The following PIP5K1B variants were observed in gnomAD, a reference collection of about 807,000 sequenced individuals.
PIP5K1B encodes the protein phosphatidylinositol-4-phosphate 5-kinase type 1 beta, also known as phosphatidylinositol 4-phosphate 5-kinase type-1 beta.
PIP5K1B carries 42 observed loss-of-function variants against 67.0 expected under a neutral mutation model. That is an observed-to-expected ratio of 0.63 (90% CI 0.49 to 0.81). The LOEUF (loss-of-function observed/expected upper bound fraction) is 0.81. Among genes scored for constraint, PIP5K1B ranks in the 30% least tolerant of loss-of-function variants. The pLI is 0.00. For missense variants in PIP5K1B, 459 were observed against 646.3 expected, an observed-to-expected ratio of 0.71 and a Z score of 3.14; for synonymous variants, 214 against 231.4, an observed-to-expected ratio of 0.92 and a Z score of 0.68.
At position 68,875,977 on chromosome 9, in the gene PIP5K1B, G is replaced by A. The variant is rs146856971; in HGVS notation, c.201-700G>A. On this transcript the variant is annotated intron_variant, in intron 5 of 15. Transcript: ENST00000265382. ...AGTACAGAAGGGGCTTCAACTGTAT[G>A]GATAATGTTTTATGTCTTAAGCAGC... 4.0e-3 allele frequency among the ~76,000 whole-genome samples: 615 copies of A among 152,150 alleles called. 1 individual carries two copies. The highest frequency in any genetic ancestry group is 6.6e-3 in the Non-Finnish European group (447 of 67,988).
intron 14 of PIP5K1B, among the ~76,000 whole-genome samples, chr9:68,951,209 A>G (rs1243249322): frequency 6.6e-6 from 1 of 152,232 alleles, no homozygotes; most frequent in African/African-American, 2.4e-5. Context: ...GCCCTATTAA[A>G]AATTAGTGTG....
intron 2 of PIP5K1B, among the ~76,000 whole-genome samples, chr9:68,759,006 A>G (rs1830068600): frequency 6.6e-6 from 1 of 152,162 alleles, no homozygotes; most frequent in South Asian, 2.1e-4. Flanking sequence ...AATATCCTTA[A>G]GGAACTTTCA....
At chr9:68,863,327 C>T (rs1195747783) in intron 4 of PIP5K1B, among the ~76,000 whole-genome samples, 3 of 152,194 alleles carry the variant, frequency 2.0e-5, no homozygotes, top group African/African-American at 7.2e-5. Flanking sequence ...TAAAAAAATA[C>T]ATTCTAATTG....
chr9:69,003,870 G>A (rs960491916), intron 15 of PIP5K1B, among the ~76,000 whole-genome samples: 2 of 152,158 alleles, frequency 1.3e-5, no homozygotes, highest in African/African-American at 2.4e-5. Context: ...CAGGGGATCC[G>A]ACTTCACAGT....
chr9:68,779,646 C>T (rs1179122461), intron 2 of PIP5K1B, among the ~76,000 whole-genome samples: 2 of 152,194 alleles, frequency 1.3e-5, no homozygotes, highest in Admixed American at 1.3e-4. Context: ...TCCTGGTTCC[C>T]GCCTGCCAAC....
At chr9:68,928,442 C>G (rs1826819093) in intron 12 of PIP5K1B, among the ~76,000 whole-genome samples, 1 of 152,172 alleles carries the variant, frequency 6.6e-6, no homozygotes, top group South Asian at 2.1e-4. Flanking sequence ...AAGCCTTATG[C>G]TTACAAAGGA....
chr9:68,768,402 A>G (rs897548757), intron 2 of PIP5K1B, among the ~76,000 whole-genome samples: 10 of 152,210 alleles, frequency 6.6e-5, no homozygotes, highest in African/African-American at 2.2e-4. Context: ...TTCAGAGACC[A>G]TGTAGCCAGA....
chr9:68,784,610 T>G (rs1274803162), intron 2 of PIP5K1B: 1 of 166,970 alleles, frequency 6.0e-6, no homozygotes, highest in Non-Finnish European at 1.5e-5. Flanking sequence ...ATGAGGAAAG[T>G]GAGTCTGAGA....
intron 2 of PIP5K1B, among the ~76,000 whole-genome samples, chr9:68,808,059 G>A (rs147590299): frequency 2.6e-4 from 40 of 152,266 alleles, no homozygotes; most frequent in African/African-American, 6.5e-4. Context: ...TTAGCCTGGC[G>A]TGGTGGTGTG....
intron 4 of PIP5K1B, among the ~76,000 whole-genome samples, chr9:68,853,905 C>G (rs749645883): frequency 1.1e-4 from 17 of 152,192 alleles, no homozygotes; most frequent in Non-Finnish European, 2.2e-4. Context: ...CTTTTCTCCT[C>G]CCTCTAGCAA....
At chr9:68,935,323 T>C (rs150518044) in intron 13 of PIP5K1B, among the ~76,000 whole-genome samples, 5,382 of 151,970 alleles carry the variant, frequency 0.035, 146 homozygotes, top group African/African-American at 0.079. Flanking sequence ...AAAAAATTAG[T>C]CAGGCGTGAT....
At chr9:68,789,063 G>GCTTGATA in intron 2 of PIP5K1B, 1 of 491,802 alleles carries the variant, frequency 2.0e-6, no homozygotes. Context: ...CTGGGTTTCA[G>GCTTGATA]CAGCAATTGT....
At chr9:68,987,907 G>A (rs1830162198) in intron 14 of PIP5K1B, among the ~76,000 whole-genome samples, 1 of 152,148 alleles carries the variant, frequency 6.6e-6, no homozygotes. Flanking sequence ...CAACACATGG[G>A]AATTATGAGA....
intron 2 of PIP5K1B, among the ~76,000 whole-genome samples, chr9:68,803,956 T>A (rs575432996): frequency 6.6e-6 from 1 of 152,074 alleles, no homozygotes; most frequent in Non-Finnish European, 1.5e-5. Flanking sequence ...AGGAAGGTCA[T>A]GAATGAAATG....
At chr9:68,937,520 GTCTA>G (rs1480269220) in intron 13 of PIP5K1B, among the ~76,000 whole-genome samples, 1 of 152,026 alleles carries the variant, frequency 6.6e-6, no homozygotes, top group Non-Finnish European at 1.5e-5. Context: ...CTGGCTAGAG[GTCTA>G]TCTATTTTGT....
At chr9:68,780,832 A>G in intron 2 of PIP5K1B, 2 of 1,614,192 alleles carry the variant, frequency 1.2e-6, no homozygotes, top group Non-Finnish European at 1.7e-6. Flanking sequence ...GGCATCACCA[A>G]CATGCTTTCT....
intron 2 of PIP5K1B, among the ~76,000 whole-genome samples, chr9:68,750,762 C>T (rs951811895): frequency 3.9e-5 from 6 of 152,066 alleles, no homozygotes; most frequent in African/African-American, 1.4e-4. Context: ...TATGGGAAAC[C>T]AGCAGTTTAG....
intron 5 of PIP5K1B, among the ~76,000 whole-genome samples, chr9:68,868,571 A>G (rs142328299): frequency 4.7e-4 from 71 of 152,322 alleles, no homozygotes; most frequent in African/African-American, 1.6e-3. Context: ...GCAATAAAGC[A>G]TGGGAATGGT....
rs117201928 is a variant in PIP5K1B, at chr9:68,805,411, A to G, written c.-85-13050A>G. On this transcript the variant is annotated intron_variant, in intron 2 of 15. Coordinates refer to ENST00000265382, the MANE Select transcript of PIP5K1B (RefSeq NM_003558.4). ...GGTGCTCCTTCTGGTGAGAGTAGCTAAAAATAGTCATCACAATGCTGAGTG... is the reference window on the plus strand; with the variant it reads ...GGTGCTCCTTCTGGTGAGAGTAGCTGAAAATAGTCATCACAATGCTGAGTG... Among the ~76,000 whole-genome samples, 241 of 152,332 alleles carry G rather than the reference A, an allele frequency of 1.6e-3. 3 individuals are homozygous for G. In the East Asian group the frequency reaches 0.037, roughly 24 times the overall value.
Sources: gnomAD v4.1 joint callset for allele counts (sites outside exome capture counted in the v4.1 genomes callset) on GRCh38, gnomAD v4.1.1 for gene constraint, MANE v1.5 for transcripts, NCBI Gene and HGNC (gene_info 2026-07-23, HGNC 2026-07-21) for gene names.